CALB2: variants seen among roughly 807,000 people sequenced by gnomAD.
CALB2 encodes the protein calretinin.
In CALB2, 34 loss-of-function variants were observed where a neutral mutation model predicts 45.9. The ratio of observed to expected loss-of-function variants is 0.74; its 90% CI spans 0.56 to 0.99. The LOEUF is 0.99. Among genes scored for constraint, CALB2 ranks in the 50% least tolerant of loss-of-function variants. The pLI is 0.00. For missense variants in CALB2, 344 were observed against 339.3 expected, an observed-to-expected ratio of 1.01 and a Z score of -0.11; for synonymous variants, 142 against 129.6, an observed-to-expected ratio of 1.10 and a Z score of -0.65.
Position 71,372,103 on chromosome 16 carries a change from C to T in CALB2, c.95-50C>T, listed in dbSNP as rs199586026. The T allele has an allele frequency of 9.5e-5, 123 of 1,300,644 alleles. No individual in the cohort carries two copies. In the African/African-American group the frequency reaches 1.4e-3, roughly 15 times the overall value. 80.6% of individuals were successfully genotyped at this position (1,300,644 alleles called of 1,614,324 possible). A position where few individuals can be genotyped will look rare whatever the true frequency, so the allele number is the denominator to read the frequency against. On this transcript the variant is annotated intron_variant, in intron 1 of 10. Transcript: ENST00000302628. ...AGCCCCCGACATGCCCACCCCGTGC[C>T]CCCCTTACTATTTAGTGCTGAGATT... is the stretch of plus-strand genomic sequence containing the variant.
chr16:71,376,751 CCATA>C (rs956246394), intron 3 of CALB2, among the ~76,000 whole-genome samples: 18 of 149,300 alleles, frequency 1.2e-4, no homozygotes, highest in African/African-American at 4.0e-4. Context: ...ACACACACCC[CCATA>C]CAACCACATA....
At chr16:71,378,885 C>T (rs933505949) in intron 4 of CALB2, among the ~76,000 whole-genome samples, 4 of 152,168 alleles carry the variant, frequency 2.6e-5, no homozygotes, top group Admixed American at 2.0e-4. Context: ...GACTTATGTA[C>T]GATTCTATAG....
At chr16:71,372,328 C>A in intron 2 of CALB2, 99 bp downstream of exon 2, 1 of 796,566 alleles carries the variant, frequency 1.3e-6, no homozygotes. Flanking sequence ...GGCCTCATAT[C>A]GCTGGTCTTG....
At chr16:71,382,962 G>A (rs2042517789) in intron 5 of CALB2, among the ~76,000 whole-genome samples, 187 bp downstream of exon 5, 1 of 151,070 alleles carries the variant, frequency 6.6e-6, no homozygotes, top group East Asian at 2.1e-4. Flanking sequence ...CTGCCAGGCT[G>A]TAGATTTCAA....
chr16:71,384,254 T>C (rs913739440), intron 7 of CALB2, 85 bp from the exon 8 acceptor site: 1 of 1,170,724 alleles, frequency 8.5e-7, no homozygotes, highest in African/African-American at 1.5e-5. Flanking sequence ...TTTCTGTAAC[T>C]GCAGGCACCG....
intron 2 of CALB2, 134 bp from the exon 3 acceptor site, chr16:71,374,611 C>A: frequency 1.6e-6 from 1 of 617,404 alleles, no homozygotes; most frequent in Non-Finnish European, 3.0e-6. Context: ...CAGCTCTGAT[C>A]AATCAGAGCA....
intron 10 of CALB2, chr16:71,389,526 G>A (rs765861048): frequency 7.1e-6 from 5 of 706,876 alleles, no homozygotes; most frequent in Non-Finnish European, 5.2e-6. Context: ...GTCTCAGGAA[G>A]GTTGACTACC....
intron 4 of CALB2, among the ~76,000 whole-genome samples, chr16:71,378,939 G>A (rs1458787084): frequency 3.9e-5 from 6 of 152,158 alleles, no homozygotes; most frequent in East Asian, 1.9e-4. Flanking sequence ...TATCTTCCAC[G>A]TTTCATCTTT....
intron 1 of CALB2, among the ~76,000 whole-genome samples, chr16:71,362,103 C>T (rs2042242541): frequency 1.3e-5 from 2 of 152,174 alleles, no homozygotes; most frequent in South Asian, 2.1e-4. Context: ...GTGGCCCTGA[C>T]GTGGCCTTAC....
In CALB2 at chr16:71,382,682, C is replaced by A. The variant is rs192997572; in HGVS notation, c.343-37C>A. ...GAAGGGAGGTGGGTAGATTTTGATA[C>A]GTCTTTGCAAAGAGGTTGACATTCC... On this transcript the variant is annotated intron_variant, in intron 4 of 10. Transcript: ENST00000302628. 1.4e-5 allele frequency: 23 copies of A among 1,602,680 alleles called. 1 individual carries two copies. In the South Asian group the frequency reaches 1.7e-4, roughly 12 times the overall value.
At chr16:71,365,379 T>C (rs893716823) in intron 1 of CALB2, among the ~76,000 whole-genome samples, 3 of 152,082 alleles carry the variant, frequency 2.0e-5, no homozygotes, top group Admixed American at 1.3e-4. Context: ...ACATCTTGAG[T>C]GTGCTGAAGG....
Position 71,384,814 on chromosome 16 carries a change from C to T in CALB2, c.605C>T (p.Ala202Val), listed in dbSNP as rs147219246. 8.6e-4 allele frequency: 1,387 copies of T among 1,612,358 alleles called. 1 individual carries two copies. The highest frequency in any genetic ancestry group is 1.5e-3 in the Middle Eastern group (9 of 6,052). ...GMKLTSEEFN[A>V]IFTFYDKDRS... Reference sequence around the variant, plus strand: ...AAGCTGACCTCAGAGGAGTTTAACGCGATCTTCACATTTTACGACAAGGTA... The same window carrying T: ...AAGCTGACCTCAGAGGAGTTTAACGTGATCTTCACATTTTACGACAAGGTA... The change falls in exon 9 of 11, where the codon GCG (alanine) becomes GTG (valine). Residue 202 changes from alanine (A) to valine (V), a missense_variant. By Grantham distance (64) the Ala-to-Val change is moderately conservative. Transcript: ENST00000302628.
At position 71,374,777 on chromosome 16, in the gene CALB2, G is replaced by A; in HGVS notation, c.204G>A (p.Met68Ile). ...AGAGTGACAACTTTGGAGAAAAGAT[G>A]AAGGAGTTCATGCAGAAGTATGATA... ...MSKSDNFGEKMKEFMQKYDKN... is the reference protein window; with the variant it reads ...MSKSDNFGEKIKEFMQKYDKN... Residue 68 changes from methionine (M) to isoleucine (I), a missense_variant, in exon 3 of 11, where the codon ATG becomes ATA. By Grantham distance (10) the Met-to-Ile change is conservative. This residue lies in a region of CALB2 where 77 missense variants were observed against 80.5 expected (regional missense o/e 0.96). Coordinates refer to ENST00000302628, the MANE Select transcript of CALB2 (RefSeq NM_001740.5). 6.2e-7 allele frequency: 1 copy of A among 1,613,694 alleles called. No homozygotes were observed. Among genetic ancestry groups the A allele is most frequent in the South Asian group, 1.1e-5 (1 of 90,992 alleles).
chr16:71,380,528 A>G (rs1366438763), intron 4 of CALB2, among the ~76,000 whole-genome samples: 2 of 151,660 alleles, frequency 1.3e-5, no homozygotes, highest in Non-Finnish European at 2.9e-5. Context: ...GGCTGGTCTC[A>G]AACTCCCGAC....
chr16:71,372,463 C>T (rs2042363600), intron 2 of CALB2, among the ~76,000 whole-genome samples: 1 of 152,132 alleles, frequency 6.6e-6, no homozygotes, highest in Non-Finnish European at 1.5e-5. Flanking sequence ...ATGAATCCTC[C>T]TGCAAAGCTG....
intron 4 of CALB2, among the ~76,000 whole-genome samples, chr16:71,380,534 C>T (rs2042479047): frequency 6.6e-6 from 1 of 151,924 alleles, no homozygotes; most frequent in Admixed American, 6.6e-5. Flanking sequence ...TCTCAAACTC[C>T]CGACCTCAGG....
intron 1 of CALB2, among the ~76,000 whole-genome samples, chr16:71,364,483 C>G (rs1175155511): frequency 1.3e-5 from 2 of 152,216 alleles, no homozygotes; most frequent in African/African-American, 2.4e-5. Flanking sequence ...CTCTCCAGCC[C>G]CAGCCTGCCG....
At chr16:71,358,933 T>G (rs538251781) in intron 1 of CALB2, 47 bp downstream of exon 1, 1 of 1,541,338 alleles carries the variant, frequency 6.5e-7, no homozygotes, top group South Asian at 1.2e-5. Flanking sequence ...CCAGGGGACC[T>G]GCGGTGAAGG....
chr16:71,365,105 A>T (rs2042270587), intron 1 of CALB2, among the ~76,000 whole-genome samples: 2 of 152,210 alleles, frequency 1.3e-5, no homozygotes, highest in South Asian at 4.1e-4. Flanking sequence ...TTCTTACCCC[A>T]AAGGGTAGGA....
Sources: allele counts gnomAD v4.1 joint callset (sites outside exome capture counted in the v4.1 genomes callset), GRCh38; gene constraint gnomAD v4.1.1; regional missense constraint gnomAD v4.1.1; transcripts MANE v1.5; gene names NCBI Gene and HGNC (gene_info 2026-07-23, HGNC 2026-07-21).